The following THBS2 variants were observed in gnomAD, a reference collection of about 807,000 sequenced individuals.
The protein encoded by THBS2 is thrombospondin-2.
A neutral mutation model predicts 135.2 loss-of-function variants in THBS2; 47 were observed. That is an observed-to-expected ratio of 0.35 (90% CI 0.28 to 0.44). The LOEUF is 0.44. Among genes scored for constraint, THBS2 ranks in the 20% least tolerant of loss-of-function variants. THBS2 has a pLI of 1.00. For synonymous variants in THBS2, 639 were observed against 633.8 expected, an observed-to-expected ratio of 1.01 and a Z score of -0.12; for missense variants, 1,288 against 1,603.1, an observed-to-expected ratio of 0.80 and a Z score of 3.36.
In THBS2 at chr6:169,248,497, C is replaced by G; in HGVS notation, c.529G>C (p.Glu177Gln). 1 of 1,614,018 alleles carries G rather than the reference C, an allele frequency of 6.2e-7. No homozygotes were observed. The part of the protein sequence containing the change: ...CDLIDSFALD[E>Q]PFYEHLQAEK... ...GCCTGCAGGTGCTCGTAGAAGGGCT[C>G]GTCCAGAGCGAAGCTGTCTATGAGG... Residue 177 changes from glutamate (E) to glutamine (Q), a missense_variant, in exon 3 of 22, where the codon GAG becomes CAG. Glu to Gln is a conservative substitution (Grantham distance 29, BLOSUM62 2). This residue lies in a region of THBS2 where 414 missense variants were observed against 447.0 expected (regional missense o/e 0.93). Transcript: ENST00000617924.
rs764769632 is a variant in THBS2 at position 169,225,266 on chromosome 6, C to G, written c.2652G>C (p.Gln884His). 25 of 1,611,336 alleles carry G rather than the reference C, an allele frequency of 1.6e-5. No individual in the cohort carries two copies. Among genetic ancestry groups the G allele is most frequent in the Non-Finnish European group, 2.0e-5 (24 of 1,178,616 alleles). The change falls in exon 17 of 22, where the codon CAG becomes CAC. Residue 884 changes from glutamine to histidine, a missense_variant. Gln to His is a conservative substitution (Grantham distance 24). Transcript: ENST00000617924. ...DNCPYISNAN[Q>H]ADHDRDGQGD... The stretch of plus-strand genomic sequence containing the variant: ...CCTGGCCGTCTCTGTCATGGTCAGC[C>G]TGGTTGGCGTTGGAGATGTAGGGGC...
chr6:169,249,901 G>C (rs1462630839), intron 2 of THBS2, among the ~76,000 whole-genome samples: 1 of 152,060 alleles, frequency 6.6e-6, no homozygotes, highest in African/African-American at 2.4e-5. Context: ...ATGGTTGTGG[G>C]CGCTTGTAGT....
At chr6:169,250,382 T>C (rs1247265227) in intron 2 of THBS2, among the ~76,000 whole-genome samples, 1 of 152,170 alleles carries the variant, frequency 6.6e-6, no homozygotes, top group Non-Finnish European at 1.5e-5. Context: ...AAAATCATAC[T>C]GTAGAAAAGT....
chr6:169,238,321 T>C (rs1685730473), intron 7 of THBS2, among the ~76,000 whole-genome samples: 2 of 152,202 alleles, frequency 1.3e-5, no homozygotes, highest in Middle Eastern at 3.2e-3. Flanking sequence ...AAATTCTTCA[T>C]AGGTAATCAC....
chr6:169,244,965 G>A (rs1780493385), intron 4 of THBS2, among the ~76,000 whole-genome samples: 1 of 152,268 alleles, frequency 6.6e-6, no homozygotes. Context: ...TGAAGAGTGG[G>A]CTACGCACCC....
chr6:169,239,776 C>G (rs953523207), intron 6 of THBS2, 81 bp from the exon 7 acceptor site: 37 of 1,054,076 alleles, frequency 3.5e-5, no homozygotes, highest in Non-Finnish European at 3.8e-5. Context: ...TAGAAGGGGT[C>G]GACAGAATGG....
At chr6:169,246,367 A>G in intron 3 of THBS2, 86 bp from the exon 4 acceptor site, 13 of 1,136,246 alleles carry the variant, frequency 1.1e-5, no homozygotes, top group Non-Finnish European at 1.7e-5. Flanking sequence ...TAAAAATACA[A>G]GTTGGAATCT....
At chr6:169,219,384 AATGG>A (rs992088419) in intron 21 of THBS2, among the ~76,000 whole-genome samples, 14 of 132,800 alleles carry the variant, frequency 1.1e-4, no homozygotes, top group East Asian at 7.2e-4. Flanking sequence ...TGGGTGGATG[AATGG>A]ATGGATGGAT....
In THBS2 at chr6:169,252,612, G is replaced by T. The variant is rs572508413; in HGVS notation, c.-23+1112C>A. On this transcript the variant is annotated intron_variant, in intron 1 of 21. Coordinates refer to ENST00000617924, the MANE Select transcript of THBS2 (RefSeq NM_003247.5). The surrounding 1 kb of genome is among the most constrained non-coding windows in gnomAD (Gnocchi z 4.3). ...AGGCTAACAAAGCATCCCCTGCTGC[G>T]GATTGTCAAAGGACAGTGAGGCTCC... Among the ~76,000 whole-genome samples the T allele has an allele frequency of 1.3e-3, 197 of 152,304 alleles. 1 individual carries two copies. The highest frequency in any genetic ancestry group is 2.4e-4 in the Non-Finnish European group (16 of 68,022).
At chr6:169,251,096 C>G (rs1436691444) in intron 1 of THBS2, among the ~76,000 whole-genome samples, 1 of 152,156 alleles carries the variant, frequency 6.6e-6, no homozygotes, top group Non-Finnish European at 1.5e-5. Flanking sequence ...ATGTGCTGCT[C>G]TAATTGTCCT....
At chr6:169,253,360 TC>T (rs1338326512) in intron 1 of THBS2, among the ~76,000 whole-genome samples, 1 of 152,152 alleles carries the variant, frequency 6.6e-6, no homozygotes, top group Non-Finnish European at 1.5e-5. Flanking sequence ...AATAACAAAC[TC>T]TCATGTGGAA....
chr6:169,224,450 C>T (rs1779546735), intron 17 of THBS2, among the ~76,000 whole-genome samples: 1 of 152,204 alleles, frequency 6.6e-6, no homozygotes, highest in Non-Finnish European at 1.5e-5. Flanking sequence ...GCATCTCCCA[C>T]GTACTTCTGA....
chr6:169,246,800 T>G (rs554482474), intron 3 of THBS2, among the ~76,000 whole-genome samples: 2 of 152,294 alleles, frequency 1.3e-5, no homozygotes, highest in East Asian at 3.9e-4. Context: ...AGAAATTGAC[T>G]CAACAACAAG....
At chr6:169,234,578 G>T in intron 10 of THBS2, 156 bp downstream of exon 10, 1 of 785,646 alleles carries the variant, frequency 1.3e-6, no homozygotes, top group Non-Finnish European at 1.9e-6. Context: ...AATACAGGAG[G>T]ACTGAAACAC....
rs143333491 is a variant in THBS2, at chr6:169,229,581, G to C, written c.2250C>G (p.Thr750=). 463 of 1,613,770 alleles carry C rather than the reference G, an allele frequency of 2.9e-4. 1 individual carries two copies. In the African/African-American group the frequency reaches 5.8e-3, roughly 20 times the overall value. Residue 750 remains threonine (T), a synonymous_variant, in exon 14 of 22, where the codon ACC becomes ACG. Coordinates refer to ENST00000617924, the MANE Select transcript of THBS2 (RefSeq NM_003247.5). The part of the protein sequence containing the change: ...CDDDDDNDGV[T]DEKDNCQLLF... ...CACAAGCTGCTCCTACCTTCTCATC[G>C]GTCACACCGTCATTGTCATCGTCAT...
chr6:169,250,770 C>T lies in THBS2; in HGVS notation c.15G>A (p.Leu5=). The T allele has an allele frequency of 6.2e-7, 1 of 1,613,662 alleles. No individual in the cohort carries two copies. The highest frequency in any genetic ancestry group is 8.5e-7 in the Non-Finnish European group (1 of 1,179,836). Residue 5 remains leucine, a synonymous_variant, in exon 2 of 22, where the codon CTG becomes CTA. Coordinates refer to ENST00000617924, the MANE Select transcript of THBS2 (RefSeq NM_003247.5). MVWR[L]VLLALWVWPS... ...GCCACACCCACAGAGCCAGCAGGAC[C>T]AGCCTCCAGACCATCCTGCCTCCTG...
At chr6:169,242,946 A>ACATTCCCACCTTCCCC in intron 4 of THBS2, among the ~76,000 whole-genome samples, 1 of 65,476 alleles carries the variant, frequency 1.5e-5, no homozygotes. Context: ...CCACCTTCCC[A>ACATTCCCACCTTCCCC]CCTTCCCACC....
intron 5 of THBS2, among the ~76,000 whole-genome samples, chr6:169,240,807 C>A (rs1479793700): frequency 1.3e-5 from 2 of 152,168 alleles, no homozygotes; most frequent in African/African-American, 2.4e-5. Context: ...TCTGGGGCTC[C>A]CCATCCACCT....
rs1332091151 is a variant in THBS2, at chr6:169,241,158, G to A, written c.892-566C>T. Among the ~76,000 whole-genome samples, 1 of 151,982 alleles carries A rather than the reference G, an allele frequency of 6.6e-6. No homozygotes were observed. The highest frequency in any genetic ancestry group is 1.5e-5 in the Non-Finnish European group (1 of 68,002). On this transcript the variant is annotated intron_variant, in intron 5 of 21. Coordinates refer to ENST00000617924, the MANE Select transcript of THBS2 (RefSeq NM_003247.5). This position sits in a 1 kb window ranked among gnomAD's most constrained non-coding sequence, Gnocchi z 5.5. Reference sequence around the variant, plus strand: ...GGTACGAGTGACAGTCAGCATCACTGCACCCTGGTTAGCCATGTGTATGTT... The same window carrying A: ...GGTACGAGTGACAGTCAGCATCACTACACCCTGGTTAGCCATGTGTATGTT...
Sources: gnomAD v4.1 joint callset for allele counts (sites outside exome capture counted in the v4.1 genomes callset) on GRCh38, gnomAD v4.1.1 for gene constraint, gnomAD v4.1.1 regional missense constraint, Gnocchi (gnomAD v3.1) non-coding constraint, MANE v1.5 for transcripts, NCBI Gene and HGNC (gene_info 2026-07-23, HGNC 2026-07-21) for gene names.